Variants in GALNT10 observed in about 807,000 individuals in gnomAD.
GALNT10 encodes polypeptide N-acetylgalactosaminyltransferase 10, also known as GalNAc transferase 10.
In GALNT10, 41 loss-of-function variants were observed where a neutral mutation model predicts 75.0. The observed-to-expected ratio is 0.55, with a 90% CI of 0.43 to 0.71. The LOEUF is 0.71. Ranked by LOEUF, GALNT10 falls within the 30% of genes least tolerant of loss-of-function variation. The pLI is 0.00. For missense variants in GALNT10, 727 were observed against 818.5 expected, an observed-to-expected ratio of 0.89 and a Z score of 1.36; for synonymous variants, 302 against 313.0, an observed-to-expected ratio of 0.96 and a Z score of 0.37.
chr5:154,236,593 C>T (rs1285121462), intron 1 of GALNT10, among the ~76,000 whole-genome samples: 1 of 152,190 alleles, frequency 6.6e-6, no homozygotes, highest in African/African-American at 2.4e-5. Flanking sequence ...TAAAAACCCA[C>T]AAAACACCTC....
chr5:154,354,646 C>G (rs2113147738), intron 4 of GALNT10, among the ~76,000 whole-genome samples: 1 of 152,296 alleles, frequency 6.6e-6, no homozygotes, highest in East Asian at 1.9e-4. Context: ...TCCCTGTGAC[C>G]TGATTCAGGT....
At chr5:154,332,373 G>T (rs1754880532) in intron 4 of GALNT10, among the ~76,000 whole-genome samples, 1 of 152,068 alleles carries the variant, frequency 6.6e-6, no homozygotes. Flanking sequence ...CCACAGCAGG[G>T]CTCTCTGTCC....
intron 1 of GALNT10, among the ~76,000 whole-genome samples, chr5:154,264,531 A>G (rs368471142): frequency 3.7e-4 from 56 of 152,166 alleles, no homozygotes; most frequent in Non-Finnish European, 7.2e-4. Flanking sequence ...TATAATGTAT[A>G]TATAGGCAGA....
At chr5:154,386,607 G>T (rs1755810824) in intron 7 of GALNT10, 177 bp downstream of exon 7, 1 of 604,032 alleles carries the variant, frequency 1.7e-6, no homozygotes, top group African/African-American at 1.9e-5. Flanking sequence ...TGTGGGGTGG[G>T]GGGGTGTGGG....
intron 3 of GALNT10, among the ~76,000 whole-genome samples, chr5:154,301,779 G>T (rs571885213): frequency 6.6e-6 from 1 of 152,278 alleles, no homozygotes; most frequent in South Asian, 2.1e-4. Context: ...GCATTGCTCT[G>T]AGAAGTGTCC....
intron 1 of GALNT10, among the ~76,000 whole-genome samples, chr5:154,288,066 A>G (rs1165418678): frequency 6.6e-6 from 1 of 152,156 alleles, no homozygotes; most frequent in Non-Finnish European, 1.5e-5. Flanking sequence ...TTGCCTTTGT[A>G]GGGTTCTTTG....
In GALNT10 at chr5:154,404,276, C is replaced by T. The variant is rs1172529582; in HGVS notation, c.1164+65C>T. ...CCTAGGACCATCAGCTGCACTGAGG[C>T]ACCCTGGGGCCCTAGACTGTGTTAT... is the stretch of plus-strand genomic sequence containing the variant. On this transcript the variant is annotated intron_variant, in intron 8 of 11. Transcript: ENST00000297107. 1.5e-5 allele frequency: 13 copies of T among 848,116 alleles called. No homozygotes were observed. The South Asian group carries it at 2.1e-4, about 14-fold the overall frequency. 52.5% of individuals were successfully genotyped at this position (848,116 alleles called of 1,614,324 possible).
chr5:154,364,186 G>A (rs34801579), intron 4 of GALNT10, among the ~76,000 whole-genome samples: 5,006 of 152,346 alleles, frequency 0.033, 117 homozygotes, highest in Middle Eastern at 0.068. Context: ...AAGAGTGAAA[G>A]CAAGGAAATT....
At chr5:154,397,190 CTTTT>C (rs11349379) in intron 7 of GALNT10, among the ~76,000 whole-genome samples, 5,442 of 142,616 alleles carry the variant, frequency 0.038, 139 homozygotes, top group African/African-American at 0.072. Flanking sequence ...TTCTTTTCTA[CTTTT>C]TTTTTTTTTT....
chr5:154,282,914 C>G (rs561222502), intron 1 of GALNT10, among the ~76,000 whole-genome samples: 1 of 152,256 alleles, frequency 6.6e-6, no homozygotes, highest in African/African-American at 2.4e-5. Flanking sequence ...AAATGATCAT[C>G]CAAATGAATG....
At chr5:154,363,184 G>A (rs1023788182) in intron 4 of GALNT10, among the ~76,000 whole-genome samples, 6 of 152,100 alleles carry the variant, frequency 3.9e-5, no homozygotes, top group African/African-American at 7.2e-5. Flanking sequence ...AAGAAGATTG[G>A]GATATTGGGT....
intron 1 of GALNT10, among the ~76,000 whole-genome samples, chr5:154,272,296 G>A (rs1341315304): frequency 4.6e-5 from 7 of 152,182 alleles, no homozygotes; most frequent in Admixed American, 1.3e-4. Flanking sequence ...GGGAGTGATC[G>A]GTAGTGGCTT....
At chr5:154,199,651 G>C (rs1774996305) in intron 1 of GALNT10, among the ~76,000 whole-genome samples, 1 of 152,148 alleles carries the variant, frequency 6.6e-6, no homozygotes, top group African/African-American at 2.4e-5. Flanking sequence ...CTGCCTTCCT[G>C]CCATGGGCAA....
chr5:154,279,974 T>C (rs1754014589), intron 1 of GALNT10, among the ~76,000 whole-genome samples: 1 of 152,144 alleles, frequency 6.6e-6, no homozygotes, highest in African/African-American at 2.4e-5. Context: ...ATCTGTACTC[T>C]CATGTTTATT....
intron 1 of GALNT10, among the ~76,000 whole-genome samples, chr5:154,282,805 T>C (rs1196716397): frequency 1.3e-5 from 2 of 152,222 alleles, no homozygotes; most frequent in African/African-American, 4.8e-5. Flanking sequence ...CTGGAAAAGA[T>C]AAAAGATGTC....
intron 1 of GALNT10, among the ~76,000 whole-genome samples, chr5:154,287,913 T>TGTGTGTGA (rs1216974853): frequency 4.1e-5 from 6 of 148,088 alleles, no homozygotes; most frequent in African/African-American, 1.5e-4. Flanking sequence ...TGTGTGTGTG[T>TGTGTGTGA]GAGAGAGAGA....
intron 1 of GALNT10, among the ~76,000 whole-genome samples, chr5:154,246,453 C>T (rs1439304147): frequency 4.6e-5 from 7 of 152,232 alleles, no homozygotes; most frequent in African/African-American, 1.7e-4. Flanking sequence ...TATTTCTCCA[C>T]ATCCTCTCCA....
chr5:154,241,076 G>A (rs1384422768), intron 1 of GALNT10, among the ~76,000 whole-genome samples: 4 of 152,206 alleles, frequency 2.6e-5, no homozygotes, highest in Non-Finnish European at 4.4e-5. Flanking sequence ...GCCCCACGGT[G>A]TTCTGCCTGA....
At chr5:154,415,284 G>A (rs183845800) in intron 10 of GALNT10, among the ~76,000 whole-genome samples, 1 of 152,316 alleles carries the variant, frequency 6.6e-6, no homozygotes, top group Admixed American at 6.5e-5. Context: ...AAAATACTGT[G>A]AGGGTAAGGA....
Sources: allele counts gnomAD v4.1 joint callset (sites outside exome capture counted in the v4.1 genomes callset), GRCh38; gene constraint gnomAD v4.1.1; transcripts MANE v1.5; gene names NCBI Gene and HGNC (gene_info 2026-07-23, HGNC 2026-07-21).